CHKA: variants seen among roughly 807,000 people sequenced by gnomAD.
The protein encoded by CHKA is choline kinase alpha.
CHKA carries 34 observed loss-of-function variants against 60.1 expected under a neutral mutation model. The observed-to-expected ratio is 0.57, with a 90% confidence interval of 0.43 to 0.75. The LOEUF is 0.75. Among genes scored for constraint, CHKA ranks in the 30% least tolerant of loss-of-function variants. CHKA has a pLI of 0.00. For missense variants in CHKA, 563 were observed against 561.3 expected, an observed-to-expected ratio of 1.00 and a Z score of -0.03; for synonymous variants, 217 against 223.1, an observed-to-expected ratio of 0.97 and a Z score of 0.24.
At chr11:68,092,948 T>C (rs1373598793) in intron 2 of CHKA, among the ~76,000 whole-genome samples, 1 of 152,078 alleles carries the variant, frequency 6.6e-6, no homozygotes. Context: ...GTCAGATTGT[T>C]AGAGGTATGC....
chr11:68,094,376 T>C (rs1330786665), intron 2 of CHKA, among the ~76,000 whole-genome samples: 1 of 152,046 alleles, frequency 6.6e-6, no homozygotes, highest in African/African-American at 2.4e-5. Flanking sequence ...ACCCTGCCTC[T>C]ACAAAAAATA....
chr11:68,070,610 C>T (rs1329535385), intron 5 of CHKA, 114 bp downstream of exon 5: 3 of 1,151,808 alleles, frequency 2.6e-6, no homozygotes, highest in Admixed American at 4.5e-5. Flanking sequence ...ACACCCTGCA[C>T]TTCAGTGAAC....
intron 4 of CHKA, among the ~76,000 whole-genome samples, chr11:68,071,703 A>G (rs1225154429): frequency 1.3e-5 from 2 of 152,260 alleles, no homozygotes; most frequent in Non-Finnish European, 2.9e-5. Flanking sequence ...TCAAAGCTAC[A>G]TGGCCATCCA....
At chr11:68,094,906 C>A (rs1857449919) in intron 2 of CHKA, among the ~76,000 whole-genome samples, 2 of 152,324 alleles carry the variant, frequency 1.3e-5, no homozygotes, top group African/African-American at 2.4e-5. Context: ...AGGGTTTCTT[C>A]ACATTATGAC....
intron 3 of CHKA, 29 bp from the exon 4 acceptor site, chr11:68,074,859 T>TA (rs1166685112): frequency 1.2e-5 from 19 of 1,606,312 alleles, no homozygotes; most frequent in Non-Finnish European, 1.6e-5. Flanking sequence ...AATCAGGTGT[T>TA]TACTGAGTGT....
intron 11 of CHKA, among the ~76,000 whole-genome samples, chr11:68,057,787 T>TA (rs2134487630): frequency 6.6e-6 from 1 of 152,370 alleles, no homozygotes; most frequent in South Asian, 2.1e-4. Flanking sequence ...TTTTTGAAAA[T>TA]ACAATCCTTT....
At position 68,060,321 on chromosome 11, in the gene CHKA, C is replaced by T. The variant is rs867268536; in HGVS notation, c.1314+1632G>A. Among the ~76,000 whole-genome samples, 50 of 147,748 alleles carry T rather than the reference C, an allele frequency of 3.4e-4. No individual in the cohort carries two copies. In the Middle Eastern group the frequency reaches 0.012, roughly 36 times the overall value. ...TTCTGGGATTACAGGCATGGGCCAC[C>T]GCACCCGGCCAGAGTTTCATTCTTA... is the stretch of plus-strand genomic sequence containing the variant. On this transcript the variant is annotated intron_variant, in intron 11 of 11. Coordinates refer to ENST00000265689, the MANE Select transcript of CHKA (RefSeq NM_001277.3).
intron 4 of CHKA, among the ~76,000 whole-genome samples, chr11:68,073,373 G>A (rs1856684786): frequency 6.6e-6 from 1 of 152,190 alleles, no homozygotes. Flanking sequence ...TATCATCTCG[G>A]CCGGGCGCGG....
At chr11:68,101,708 C>G (rs1857733335) in intron 1 of CHKA, among the ~76,000 whole-genome samples, 1 of 151,560 alleles carries the variant, frequency 6.6e-6, no homozygotes, top group Non-Finnish European at 1.5e-5. Context: ...TGAAAGAGCT[C>G]TGCAATGAAA....
chr11:68,081,785 T>C, intron 2 of CHKA: 1 of 198,918 alleles, frequency 5.0e-6, no homozygotes, highest in South Asian at 1.1e-4. Context: ...AATCAGGCCT[T>C]CTAAAGACAA....
chr11:68,070,657 C>G (rs942777007), intron 5 of CHKA, 67 bp downstream of exon 5: 24 of 1,543,022 alleles, frequency 1.6e-5, no homozygotes, highest in South Asian at 1.5e-4. Context: ...AACAAATGCT[C>G]ACTTATGGTA....
At chr11:68,083,029 G>A (rs1055092100) in intron 2 of CHKA, among the ~76,000 whole-genome samples, 4 of 152,228 alleles carry the variant, frequency 2.6e-5, no homozygotes, top group South Asian at 2.1e-4. Context: ...TCTCGTGGCC[G>A]CATCGTTCCT....
chr11:68,083,600 T>C (rs185664446), intron 2 of CHKA, among the ~76,000 whole-genome samples: 3 of 152,294 alleles, frequency 2.0e-5, no homozygotes, highest in African/African-American at 7.2e-5. Flanking sequence ...CTAATGGCGC[T>C]CGCAAAAGCA....
At chr11:68,113,290 A>T (rs1458962236) in intron 1 of CHKA, among the ~76,000 whole-genome samples, 2 of 152,084 alleles carry the variant, frequency 1.3e-5, no homozygotes, top group African/African-American at 2.4e-5. Flanking sequence ...TTAAAAAAAT[A>T]AAAAGGAAAA....
At chr11:68,070,673 G>C (rs772515945) in intron 5 of CHKA, 51 bp downstream of exon 5, 2 of 1,581,560 alleles carry the variant, frequency 1.3e-6, no homozygotes, top group Non-Finnish European at 1.7e-6. Flanking sequence ...TGGTACTTCT[G>C]GGAGCCACCA....
At chr11:68,073,812 A>C (rs1181060741) in intron 4 of CHKA, among the ~76,000 whole-genome samples, 1 of 152,214 alleles carries the variant, frequency 6.6e-6, no homozygotes, top group African/African-American at 2.4e-5. Context: ...GGACATGCCC[A>C]GGCCTCTCAT....
intron 1 of CHKA, among the ~76,000 whole-genome samples, chr11:68,115,137 A>C (rs1858334632): frequency 6.6e-6 from 1 of 152,238 alleles, no homozygotes; most frequent in Admixed American, 6.5e-5. Flanking sequence ...TTTCTGTTAG[A>C]TTACTTTGCC....
intron 11 of CHKA, among the ~76,000 whole-genome samples, chr11:68,059,705 A>C (rs368256950): frequency 6.6e-6 from 1 of 152,164 alleles, no homozygotes; most frequent in Admixed American, 6.6e-5. Context: ...TTTTCTAGCT[A>C]TCTTTTGTTG....
chr11:68,058,030 C>T (rs1286922958), intron 11 of CHKA, among the ~76,000 whole-genome samples: 3 of 152,196 alleles, frequency 2.0e-5, no homozygotes, highest in Admixed American at 2.0e-4. Context: ...GCTGGGACTA[C>T]AGGCATGTGC....
Sources: allele counts gnomAD v4.1 joint callset (sites outside exome capture counted in the v4.1 genomes callset), GRCh38; gene constraint gnomAD v4.1.1; transcripts MANE v1.5; gene names NCBI Gene and HGNC (gene_info 2026-07-23, HGNC 2026-07-21).